ALG9: variants seen among roughly 807,000 people sequenced by gnomAD.
The protein encoded by ALG9 is alpha-1,2-mannosyltransferase ALG9.
A neutral mutation model predicts 81.8 loss-of-function variants in ALG9; 55 were observed. The ratio of observed to expected loss-of-function variants is 0.67; its 90% CI spans 0.54 to 0.84. The LOEUF is 0.84. ALG9 is among the 40% of genes least tolerant of loss of function. The probability of loss-of-function intolerance (pLI) is 0.00; values close to 1 mark genes in which losing one functional copy is unlikely to be tolerated. For synonymous variants in ALG9, 278 were observed against 274.3 expected (o/e 1.01, Z -0.13); for missense variants, 629 against 745.0 (o/e 0.84, Z 1.81).
the ALG9 span, chr11:111,771,537 G>A: frequency 2.0e-5 from 3 of 152,328 alleles, no homozygotes; most frequent in South Asian, 6.2e-4. Flanking sequence ...ATGCTGATCT[G>A]CTCCACAGTC....
In ALG9 at chr11:111,785,240, G is replaced by A. The variant is rs1241217042; in HGVS notation, c.*1157C>T. Reference sequence around the variant, plus strand: ...CAGCCTGTTTCCTTATCTGTAAAATGGGGATAAAAATCACCTGCCTTGTCT... The same window carrying A: ...CAGCCTGTTTCCTTATCTGTAAAATAGGGATAAAAATCACCTGCCTTGTCT... On this transcript the variant is annotated 3_prime_UTR_variant, in exon 15 of 15. Coordinates refer to ENST00000616540, the MANE Select transcript of ALG9 (RefSeq NM_024740.2). 6.6e-6 allele frequency: 1 copy of A among 152,232 alleles called. No homozygotes were observed. Among genetic ancestry groups the A allele is most frequent in the Non-Finnish European group, 1.5e-5 (1 of 68,078 alleles). 9.4% of individuals were successfully genotyped at this position (152,232 alleles called of 1,614,324 possible). A position where few individuals can be genotyped will look rare whatever the true frequency, so the allele number is the denominator to read the frequency against.
At chr11:111,859,876 C>A (rs995872915) in intron 5 of ALG9, among the ~76,000 whole-genome samples, 7 of 151,858 alleles carry the variant, frequency 4.6e-5, no homozygotes, top group African/African-American at 1.7e-4. Context: ...ACAATTATAT[C>A]CAGTAACTTA....
Position 111,786,318 on chromosome 11 carries a change from G to A in ALG9, c.*79C>T. 1.3e-6 allele frequency: 2 copies of A among 1,594,750 alleles called. No individual in the cohort carries two copies. The highest frequency in any genetic ancestry group is 1.7e-6 in the Non-Finnish European group (2 of 1,164,464). ...GAAGACCTTTATTACAAATGTTACA[G>A]GCGATGACTTGCAGGGAGTCAGGTC... is the stretch of plus-strand genomic sequence containing the variant. On this transcript the variant is annotated 3_prime_UTR_variant, in exon 15 of 15. Coordinates refer to ENST00000616540, the MANE Select transcript of ALG9 (RefSeq NM_024740.2).
intron 8 of ALG9, among the ~76,000 whole-genome samples, chr11:111,848,334 C>T (rs897713650): frequency 6.6e-6 from 1 of 152,140 alleles, no homozygotes; most frequent in Non-Finnish European, 1.5e-5. Flanking sequence ...GAATGTCTCA[C>T]TAATACATGC....
chr11:111,824,369 T>A (rs1952892495), intron 13 of ALG9, among the ~76,000 whole-genome samples: 1 of 152,218 alleles, frequency 6.6e-6, no homozygotes, highest in Non-Finnish European at 1.5e-5. Flanking sequence ...ATACAAATAG[T>A]CACCATTTTT....
intron 9 of ALG9, 40 bp from the exon 10 acceptor site, chr11:111,840,849 G>T: frequency 6.2e-7 from 1 of 1,609,314 alleles, no homozygotes; most frequent in South Asian, 1.1e-5. Flanking sequence ...CATTATATTA[G>T]AACAAAACAA....
chr11:111,815,425 A>C (rs1302462350), intron 13 of ALG9, among the ~76,000 whole-genome samples: 2 of 152,098 alleles, frequency 1.3e-5, no homozygotes, highest in African/African-American at 2.4e-5. Context: ...AAAGAAAGAC[A>C]CCGAAGCAAA....
chr11:111,818,832 GA>G (rs1299946722), intron 13 of ALG9, among the ~76,000 whole-genome samples: 1 of 151,880 alleles, frequency 6.6e-6, no homozygotes, highest in African/African-American at 2.4e-5. Context: ...AAGAATGCAT[GA>G]AAAAAAGGGA....
chr11:111,861,120 T>C (rs1036087429), intron 4 of ALG9, among the ~76,000 whole-genome samples: 3 of 152,176 alleles, frequency 2.0e-5, no homozygotes, highest in Admixed American at 1.3e-4. Flanking sequence ...TAAATGGTAG[T>C]TGTCAGAAAA....
the ALG9 span, among the ~76,000 whole-genome samples, chr11:111,774,998 G>A: frequency 6.6e-6 from 1 of 152,138 alleles, no homozygotes; most frequent in African/African-American, 2.4e-5. Flanking sequence ...ATGTTGCCCA[G>A]GTTGGTCTTG....
chr11:111,858,040 G>A (rs1297092904), intron 5 of ALG9: 6 of 367,024 alleles, frequency 1.6e-5, no homozygotes, highest in Admixed American at 1.1e-4. Context: ...TGGTTCAAGC[G>A]ATTCTCTTGA....
chr11:111,773,580 C>T, the ALG9 span, among the ~76,000 whole-genome samples: 1 of 151,858 alleles, frequency 6.6e-6, no homozygotes, highest in South Asian at 2.1e-4. Context: ...GCACAGTGAC[C>T]TTTCTCAAAA....
At chr11:111,775,199 G>C in the ALG9 span, among the ~76,000 whole-genome samples, 33 of 152,284 alleles carry the variant, frequency 2.2e-4, no homozygotes, top group African/African-American at 7.7e-4. Context: ...AGCAACAGCA[G>C]GGCCAACTTA....
intron 1 of ALG9, among the ~76,000 whole-genome samples, 177 bp from the exon 2 acceptor site, chr11:111,870,547 T>A (rs1215637078): frequency 2.6e-5 from 4 of 152,042 alleles, no homozygotes; most frequent in Non-Finnish European, 5.9e-5. Context: ...TAATAAAAAT[T>A]CAGATTTTTA....
At position 111,837,613 on chromosome 11, in the gene ALG9, A is replaced by G. The variant is rs1555118904; in HGVS notation, c.1327T>C (p.Tyr443His). Residue 443 changes from tyrosine to histidine, a missense_variant and splice_region_variant, in exon 12 of 15, where the codon TAT becomes CAT. Physicochemically the swap from Tyr to His is moderately conservative, Grantham distance 83. This residue lies in a region of ALG9 where 264 missense variants were observed against 302.2 expected (regional missense o/e 0.87). Transcript: ENST00000616540. ...GGATACAAATCAAGGGGCCCGTGAT[A>G]TCCTGGAAGGGAGAACAGTTAGTGA... ...FSRSVALFRG[Y>H]HGPLDLYPEF... is the part of the protein sequence containing the mutation. The G allele has an allele frequency of 7.4e-6, 12 of 1,614,012 alleles. No individual in the cohort carries two copies. The highest frequency in any genetic ancestry group is 1.0e-5 in the Non-Finnish European group (12 of 1,179,884).
At chr11:111,816,931 T>C (rs1951571771) in intron 13 of ALG9, among the ~76,000 whole-genome samples, 2 of 152,290 alleles carry the variant, frequency 1.3e-5, no homozygotes, top group Admixed American at 1.3e-4. Flanking sequence ...GAAAGTGTTA[T>C]TAAAAATTCA....
intron 14 of ALG9, chr11:111,788,535 G>C (rs1012039661): frequency 2.3e-6 from 1 of 441,668 alleles, no homozygotes; most frequent in East Asian, 7.1e-5. Flanking sequence ...CTTGAGCCCA[G>C]GAGTTTGAGC....
At position 111,844,725 on chromosome 11, in the gene ALG9, T is replaced by C; in HGVS notation, c.896-2A>G. On this transcript the variant is annotated splice_acceptor_variant, in intron 8 of 14. Transcript: ENST00000616540. LOFTEE classifies it high-confidence loss of function. ...AATAGAAATACCAGGGTTCTGTACC[T>C]GAGGGAGACATAAAGGTAAGAAATC... The C allele has an allele frequency of 1.9e-6, 3 of 1,613,540 alleles. No individual in the cohort carries two copies. The highest frequency in any genetic ancestry group is 2.5e-6 in the Non-Finnish European group (3 of 1,179,602).
intron 14 of ALG9, among the ~76,000 whole-genome samples, chr11:111,791,327 A>G (rs1199834533): frequency 6.6e-6 from 1 of 152,244 alleles, no homozygotes; most frequent in Non-Finnish European, 1.5e-5. Flanking sequence ...TCAAAGTGAT[A>G]ATGCAAACAT....
Sources: gnomAD v4.1 joint callset for allele counts (sites outside exome capture counted in the v4.1 genomes callset) on GRCh38, gnomAD v4.1.1 for gene constraint, gnomAD v4.1.1 regional missense constraint, MANE v1.5 for transcripts, NCBI Gene and HGNC (gene_info 2026-07-23, HGNC 2026-07-21) for gene names.